Variants in SH3RF1 observed in about 807,000 individuals in gnomAD.
SH3RF1 encodes E3 ubiquitin-protein ligase SH3RF1.
In SH3RF1, 32 loss-of-function variants were observed where a neutral mutation model predicts 74.0. The ratio of observed to expected loss-of-function variants is 0.43; its 90% CI spans 0.33 to 0.58. SH3RF1 has a LOEUF of 0.58. SH3RF1 is among the 20% of genes least tolerant of loss of function. SH3RF1 has a pLI of 0.05. For synonymous variants in SH3RF1, 396 were observed against 439.6 expected (o/e 0.90, Z 1.24); for missense variants, 954 against 1,130.9 (o/e 0.84, Z 2.24).
intron 2 of SH3RF1, among the ~76,000 whole-genome samples, chr4:169,180,314 T>C (rs1734487395): frequency 6.6e-6 from 1 of 151,930 alleles, no homozygotes; most frequent in South Asian, 2.1e-4. Flanking sequence ...AACCGGAGAG[T>C]CTGAGGACTC....
intron 2 of SH3RF1, among the ~76,000 whole-genome samples, chr4:169,237,254 GA>G (rs1466433267): frequency 6.6e-6 from 1 of 152,230 alleles, no homozygotes; most frequent in Non-Finnish European, 1.5e-5. Context: ...AAGGTGATTT[GA>G]AAGTCATACT....
chr4:169,178,273 T>C lies in SH3RF1; in HGVS notation c.394-21594A>G, dbSNP rs1020064393. 5.6e-5 allele frequency among the ~76,000 whole-genome samples: 8 copies of C among 142,936 alleles called. No homozygotes were observed. The South Asian group carries it at 1.9e-3, about 33-fold the overall frequency. 93.8% of individuals were successfully genotyped at this position (142,936 alleles called of 152,430 possible). ...TAAACAAATAAACAAAAAAAAAAAA[T>C]TTTTTTTTAAATAAGCAACTATGCT... On this transcript the variant is annotated intron_variant, in intron 2 of 11. Coordinates refer to ENST00000284637, the MANE Select transcript of SH3RF1 (RefSeq NM_020870.4).
intron 10 of SH3RF1, among the ~76,000 whole-genome samples, chr4:169,110,304 A>AT (rs1733219291): frequency 6.6e-6 from 1 of 151,966 alleles, no homozygotes; most frequent in Admixed American, 6.6e-5. Flanking sequence ...GTGAGGTATG[A>AT]TTGCACCACT....
intron 2 of SH3RF1, among the ~76,000 whole-genome samples, chr4:169,186,677 C>G (rs1734610020): frequency 6.7e-6 from 1 of 150,294 alleles, no homozygotes; most frequent in Non-Finnish European, 1.5e-5. Context: ...AGGAATCTCT[C>G]CTTTAAGTTC....
intron 2 of SH3RF1, among the ~76,000 whole-genome samples, chr4:169,249,305 T>A (rs140399489): frequency 5.6e-4 from 85 of 152,136 alleles, no homozygotes; most frequent in African/African-American, 1.8e-3. Context: ...AAGCCCCTTA[T>A]AAAAGAGGCT....
chr4:169,107,215 A>G lies in SH3RF1; in HGVS notation c.2140-10T>C, dbSNP rs200649803. On this transcript the variant is annotated splice_polypyrimidine_tract_variant and intron_variant, in intron 10 of 11. Transcript: ENST00000284637. ...AACCCTTTTTTTCTTTCTGGAAAAA[A>G]AAAATAATGAGCCTTAGTTGGAGAA... 5.6e-5 allele frequency: 85 copies of G among 1,525,310 alleles called. No individual in the cohort carries two copies. Among genetic ancestry groups the G allele is most frequent in the Middle Eastern group, 1.8e-4 (1 of 5,456 alleles). The allele number at this position is 1,525,310 out of a possible 1,614,324, so 94.5% of individuals were successfully genotyped here.
At chr4:169,205,602 TA>T (rs1233891398) in intron 2 of SH3RF1, among the ~76,000 whole-genome samples, 1 of 152,204 alleles carries the variant, frequency 6.6e-6, no homozygotes, top group African/African-American at 2.4e-5. Context: ...TTGCTCTCAT[TA>T]AAGTGTTGAC....
chr4:169,193,052 TA>T (rs1242941565), intron 2 of SH3RF1, among the ~76,000 whole-genome samples: 4 of 151,942 alleles, frequency 2.6e-5, no homozygotes, highest in Non-Finnish European at 5.9e-5. Flanking sequence ...CCAAACATTG[TA>T]TGTTCTCACT....
At chr4:169,146,450 G>A (rs546140622) in intron 4 of SH3RF1, among the ~76,000 whole-genome samples, 17 of 151,714 alleles carry the variant, frequency 1.1e-4, no homozygotes, top group East Asian at 5.8e-4. Context: ...GGCTGGTCTC[G>A]AACTCCTGAA....
At chr4:169,134,904 T>C (rs1733678244) in intron 5 of SH3RF1, among the ~76,000 whole-genome samples, 2 of 152,248 alleles carry the variant, frequency 1.3e-5, no homozygotes, top group African/African-American at 4.8e-5. Flanking sequence ...AGTTGTGCGT[T>C]GTGCGTGTCT....
intron 2 of SH3RF1, among the ~76,000 whole-genome samples, chr4:169,185,232 C>G (rs1376878604): frequency 6.6e-6 from 1 of 152,192 alleles, no homozygotes; most frequent in East Asian, 1.9e-4. Context: ...AAGGCAGATA[C>G]GGCCTCTGCA....
intron 3 of SH3RF1, among the ~76,000 whole-genome samples, 171 bp downstream of exon 3, chr4:169,156,233 A>G (rs774946170): frequency 2.0e-4 from 30 of 152,188 alleles, no homozygotes; most frequent in Non-Finnish European, 3.7e-4. Flanking sequence ...TGTGCATAAA[A>G]TTACCTTCCT....
intron 2 of SH3RF1, among the ~76,000 whole-genome samples, chr4:169,264,967 C>T (rs527776366): frequency 6.6e-6 from 1 of 152,312 alleles, no homozygotes; most frequent in East Asian, 1.9e-4. Flanking sequence ...TATCATTTCA[C>T]CCTTAAGATC....
intron 2 of SH3RF1, among the ~76,000 whole-genome samples, chr4:169,196,119 C>T (rs1402692530): frequency 6.6e-6 from 1 of 152,082 alleles, no homozygotes; most frequent in Admixed American, 6.6e-5. Context: ...CCAGCGAACA[C>T]AATAATTATA....
chr4:169,116,764 G>A (rs1733341288), intron 9 of SH3RF1, 134 bp from the exon 10 acceptor site: 1 of 1,224,498 alleles, frequency 8.2e-7, no homozygotes, highest in Non-Finnish European at 1.1e-6. Flanking sequence ...AAGATGGGAT[G>A]GACGGTGGCC....
chr4:169,165,701 TTTACA>T (rs1189991118), intron 2 of SH3RF1, among the ~76,000 whole-genome samples: 1 of 152,066 alleles, frequency 6.6e-6, no homozygotes, highest in Non-Finnish European at 1.5e-5. Context: ...TTGTCCAGTG[TTTACA>T]TTAACACCTT....
chr4:169,137,414 C>T (rs960196008), intron 4 of SH3RF1, among the ~76,000 whole-genome samples: 5 of 151,968 alleles, frequency 3.3e-5, no homozygotes, highest in Non-Finnish European at 7.4e-5. Flanking sequence ...TTTTGTTTTC[C>T]CTAGGGTAAA....
chr4:169,116,143 G>T, intron 10 of SH3RF1, 126 bp downstream of exon 10: 1 of 1,384,354 alleles, frequency 7.2e-7, no homozygotes, highest in Non-Finnish European at 9.8e-7. Context: ...TGACTCACAC[G>T]TAGGGAGCAC....
At chr4:169,247,267 T>C (rs957778942) in intron 2 of SH3RF1, among the ~76,000 whole-genome samples, 11 of 151,996 alleles carry the variant, frequency 7.2e-5, no homozygotes, top group Non-Finnish European at 1.5e-4. Context: ...TAGACAGAGA[T>C]TGCAGTGGTA....
Sources: gnomAD v4.1 joint callset for allele counts (sites outside exome capture counted in the v4.1 genomes callset) on GRCh38, gnomAD v4.1.1 for gene constraint, MANE v1.5 for transcripts, NCBI Gene and HGNC (gene_info 2026-07-23, HGNC 2026-07-21) for gene names.